RUNX3: variants seen among roughly 807,000 people sequenced by gnomAD.
RUNX3 encodes the protein RUNX family transcription factor 3, also known as runt-related transcription factor 3.
RUNX3 carries 10 observed loss-of-function variants against 27.7 expected under a neutral mutation model. The observed-to-expected ratio is 0.36, with a 90% CI of 0.22 to 0.61. The LOEUF (loss-of-function observed/expected upper bound fraction) is 0.61, where lower values mean the gene tolerates loss of function less well. Among genes scored for constraint, RUNX3 ranks in the 20% least tolerant of loss-of-function variants. RUNX3 has a pLI of 0.72. For synonymous variants in RUNX3, 270 were observed against 269.2 expected (o/e 1.00, Z -0.03); for missense variants, 469 against 629.5 (o/e 0.75, Z 2.73).
Position 24,919,342 on chromosome 1 carries a change from T to C in RUNX3, c.442A>G (p.Lys148Glu). Residue 148 changes from lysine to glutamate, a missense_variant and splice_region_variant, in exon 3 of 5, where the codon AAG (lysine) becomes GAG (glutamate). Coordinates refer to ENST00000308873, the MANE Select transcript of RUNX3 (RefSeq NM_004350.3). ...ACAGTGATGGTCAGGGTGAAACTCT[T>C]CCCTGGGGAGAGTGGGGAATAGAGG... is the stretch of plus-strand genomic sequence containing the variant. ...LRFVGRSGRG[K>E]SFTLTITVFT... The C allele has an allele frequency of 6.2e-7, 1 of 1,604,934 alleles. No homozygotes were observed. Among genetic ancestry groups the C allele is most frequent in the Non-Finnish European group, 8.5e-7 (1 of 1,173,206 alleles).
rs576907184 is a variant in RUNX3, at chr1:24,924,249, T to C, written c.439+3325A>G. Reference sequence around the variant, plus strand: ...AAAATCAGCTGAGCATGGTGGCGCATGCCTATAGTCCCAGCTATTGAGGTG... The same window carrying C: ...AAAATCAGCTGAGCATGGTGGCGCACGCCTATAGTCCCAGCTATTGAGGTG... On this transcript the variant is annotated intron_variant, in intron 2 of 4. Coordinates refer to ENST00000308873, the MANE Select transcript of RUNX3 (RefSeq NM_004350.3). Among the ~76,000 whole-genome samples the C allele has an allele frequency of 1.0e-3, 159 of 152,210 alleles. 1 individual carries two copies. Among genetic ancestry groups the C allele is most frequent in the African/African-American group, 3.6e-3 (149 of 41,520 alleles).
At chr1:24,912,781 G>T (rs1197044024) in intron 3 of RUNX3, among the ~76,000 whole-genome samples, 1 of 151,776 alleles carries the variant, frequency 6.6e-6, no homozygotes, top group Non-Finnish European at 1.5e-5. Context: ...TCTCCCTAGA[G>T]CCTGTGAAAA....
rs1380240270 is a variant in RUNX3 at position 24,929,723 on chromosome 1, C to A, written c.146G>T (p.Arg49Leu). The change falls in exon 1 of 5, where the codon CGG becomes CTG. Residue 49 changes from arginine (R) to leucine (L), a missense_variant. By Grantham distance (102) the Arg-to-Leu change is moderately radical. Transcript: ENST00000308873. ...QAAVGPGGRA[R>L]PEVRSMVDVL... ...GTCCACCATCGAGCGCACCTCGGGC[C>A]GGGCGCGCCCTCCGGGCCCCACGGC... 1.3e-6 allele frequency: 2 copies of A among 1,511,738 alleles called. No homozygotes were observed. Among genetic ancestry groups the A allele is most frequent in the East Asian group, 2.7e-5 (1 of 37,470 alleles). The allele number at this position is 1,511,738 out of a possible 1,614,324, so 93.6% of individuals were successfully genotyped here.
intron 2 of RUNX3, among the ~76,000 whole-genome samples, chr1:24,949,747 A>G (rs981867150): frequency 2.0e-5 from 3 of 152,158 alleles, no homozygotes; most frequent in African/African-American, 7.2e-5. Flanking sequence ...TCAGGAGCCC[A>G]CCCACCACCT....
Position 24,902,115 on chromosome 1 carries a change from A to G in RUNX3, c.*7T>C. On this transcript the variant is annotated 3_prime_UTR_variant, in exon 5 of 5. Coordinates refer to ENST00000308873, the MANE Select transcript of RUNX3 (RefSeq NM_004350.3). This position sits in a 1 kb window ranked among gnomAD's most constrained non-coding sequence, Gnocchi z 9.2. ...CCGCCTCCAGCGGGAGGAGTCCACC[A>G]GGGCGGTCAGTAGGGCCGCCACACG... The G allele has an allele frequency of 6.5e-7, 1 of 1,528,932 alleles. No homozygotes were observed. The highest frequency in any genetic ancestry group is 8.8e-7 in the Non-Finnish European group (1 of 1,135,832). 94.7% of individuals were successfully genotyped at this position (1,528,932 alleles called of 1,614,324 possible). A position where few individuals can be genotyped will look rare whatever the true frequency, so the allele number is the denominator to read the frequency against.
At chr1:24,957,847 C>G (rs1641984621) in intron 2 of RUNX3, among the ~76,000 whole-genome samples, 1 of 152,242 alleles carries the variant, frequency 6.6e-6, no homozygotes, top group Non-Finnish European at 1.5e-5. Flanking sequence ...CCCAACGCCA[C>G]ACAGCGAGGA....
upstream of RUNX3, among the ~76,000 whole-genome samples, chr1:24,930,637 G>C (rs1641206325): frequency 6.6e-6 from 1 of 152,186 alleles, no homozygotes; most frequent in Non-Finnish European, 1.5e-5. The surrounding 1 kb of genome is among the most constrained non-coding windows in gnomAD (Gnocchi z 4.1). Flanking sequence ...CGCTGGCCGC[G>C]GCCGGGCTTC....
chr1:24,924,623 G>A (rs1366882015), intron 2 of RUNX3, among the ~76,000 whole-genome samples: 5 of 152,100 alleles, frequency 3.3e-5, no homozygotes, highest in African/African-American at 4.8e-5. Flanking sequence ...TGCATGGAGG[G>A]CATTCGTCCA....
At chr1:24,907,526 TG>T (rs1489889631) in intron 3 of RUNX3, 109 bp from the exon 4 acceptor site, 1 of 1,152,740 alleles carries the variant, frequency 8.7e-7, no homozygotes, top group African/African-American at 1.6e-5. Context: ...CTTAGGCCTC[TG>T]CTGGGAGAAC....
At chr1:24,919,488 G>A (rs749710285) in intron 2 of RUNX3, 144 bp from the exon 3 acceptor site, 1 of 559,450 alleles carries the variant, frequency 1.8e-6, no homozygotes, top group Non-Finnish European at 3.2e-6. Flanking sequence ...AGAAGATAGG[G>A]CTCTGGGTGA....
exon 2 of RUNX3, chr1:24,964,577 G>A (rs185227837): frequency 3.4e-5 from 55 of 1,609,350 alleles, no homozygotes; most frequent in Non-Finnish European, 4.3e-5. Flanking sequence ...GCCATGCCCC[G>A]CTCTGAAGAA....
rs1642148334 is a variant in RUNX3 at position 24,962,700 on chromosome 1, T to C, written c.58+1814A>G. Among the ~76,000 whole-genome samples the C allele has an allele frequency of 6.6e-6, 1 of 152,170 alleles. No individual in the cohort carries two copies. Among genetic ancestry groups the C allele is most frequent in the African/African-American group, 2.4e-5 (1 of 41,438 alleles). On this transcript the variant is annotated intron_variant, in intron 2 of 6. Coordinates refer to the RUNX3 transcript ENST00000338888. This position sits in a 1 kb window ranked among gnomAD's most constrained non-coding sequence, Gnocchi z 4.5. Reference sequence around the variant, plus strand: ...CCTTCTGTGCCACTGCTGGCCAGGATCAGCCCGCTCTGCCCAGCGGCCTCC... The same window carrying C: ...CCTTCTGTGCCACTGCTGGCCAGGACCAGCCCGCTCTGCCCAGCGGCCTCC...
At position 24,927,737 on chromosome 1, in the gene RUNX3, A is replaced by G; in HGVS notation, c.283-7T>C. On this transcript the variant is annotated splice_polypyrimidine_tract_variant and splice_region_variant and intron_variant, in intron 1 of 4. Transcript: ENST00000308873. This position sits in a 1 kb window ranked among gnomAD's most constrained non-coding sequence, Gnocchi z 5.0. ...CGTCCCCCAATGCCACCACCTGAAG[A>G]CACGGGGCGGGGGGATGCAGGGGGA... 1 of 1,613,556 alleles carries G rather than the reference A, an allele frequency of 6.2e-7. No homozygotes were observed. Among genetic ancestry groups the G allele is most frequent in the South Asian group, 1.1e-5 (1 of 91,074 alleles).
rs1641192026 is a variant in RUNX3 at position 24,930,221 on chromosome 1, G to GGCCGCCCCGACTCCGCGGCC, written c.-373_-354dup. 1.0e-6 allele frequency: 1 copy of GGCCGCCCCGACTCCGCGGCC among 982,140 alleles called. No homozygotes were observed. 60.8% of individuals were successfully genotyped at this position (982,140 alleles called of 1,614,324 possible). A position where few individuals can be genotyped will look rare whatever the true frequency, so the allele number is the denominator to read the frequency against. ...GCCTCCCGCCCCGAAGCTCGCCCGC[G>GGCCGCCCCGACTCCGCGGCC]GCCGCCCCGACTCCGCGGCCGCAGC... On this transcript the variant is annotated 5_prime_UTR_variant, in exon 1 of 5. Coordinates refer to ENST00000308873, the MANE Select transcript of RUNX3 (RefSeq NM_004350.3). This position sits in a 1 kb window ranked among gnomAD's most constrained non-coding sequence, Gnocchi z 4.1.
chr1:24,912,640 G>A (rs1435607572), intron 3 of RUNX3, among the ~76,000 whole-genome samples: 1 of 152,046 alleles, frequency 6.6e-6, no homozygotes, highest in African/African-American at 2.4e-5. Context: ...CAGCTGACAA[G>A]CACCATCTTG....
chr1:24,940,884 T>C (rs1224512206), intron 2 of RUNX3, among the ~76,000 whole-genome samples: 1 of 152,234 alleles, frequency 6.6e-6, no homozygotes, highest in Non-Finnish European at 1.5e-5. Flanking sequence ...GGTAGATAGA[T>C]GTCTGCTTTA....
chr1:24,913,693 G>A (rs1024233815), intron 3 of RUNX3, among the ~76,000 whole-genome samples: 5 of 152,234 alleles, frequency 3.3e-5, no homozygotes, highest in Non-Finnish European at 7.3e-5. Context: ...ACGCAGTGTG[G>A]GAGCTAGAGG....
At chr1:24,910,286 C>A (rs1640771500) in intron 3 of RUNX3, among the ~76,000 whole-genome samples, 2 of 71,234 alleles carry the variant, frequency 2.8e-5, no homozygotes, top group Admixed American at 1.7e-4. Context: ...AAGATTCCAT[C>A]TCAAAAAAAA....
intron 3 of RUNX3, among the ~76,000 whole-genome samples, chr1:24,907,694 G>A (rs1293529801): frequency 6.6e-6 from 1 of 152,000 alleles, no homozygotes; most frequent in Admixed American, 6.6e-5. Flanking sequence ...AACACGCGGT[G>A]ATCTAAACCT....
Sources: allele counts gnomAD v4.1 joint callset (sites outside exome capture counted in the v4.1 genomes callset), GRCh38; gene constraint gnomAD v4.1.1; non-coding constraint Gnocchi (gnomAD v3.1); transcripts MANE v1.5; gene names NCBI Gene and HGNC (gene_info 2026-07-23, HGNC 2026-07-21).